The following MCU variants were observed in gnomAD, a reference collection of about 807,000 sequenced individuals.
MCU encodes calcium uniporter protein, mitochondrial.
A neutral mutation model predicts 45.2 loss-of-function variants in MCU; 12 were observed. The observed-to-expected ratio is 0.27, with a 90% CI of 0.17 to 0.43. The LOEUF is 0.43. MCU is among the 20% of genes least tolerant of loss of function. The pLI is 1.00. For missense variants in MCU, 324 were observed against 436.7 expected (o/e 0.74, Z 2.30); for synonymous variants, 160 against 165.1 (o/e 0.97, Z 0.24).
intron 1 of MCU, 31 bp from the exon 2 acceptor site, chr10:72,834,328 T>A: frequency 6.4e-7 from 1 of 1,564,572 alleles, no homozygotes; most frequent in East Asian, 2.2e-5. Flanking sequence ...TGTTCCATTC[T>A]GACAGTAGAT....
intron 1 of MCU, among the ~76,000 whole-genome samples, chr10:72,799,216 G>A (rs1468278417): frequency 6.6e-6 from 1 of 152,196 alleles, no homozygotes; most frequent in African/African-American, 2.4e-5. Flanking sequence ...GAGCCATCAC[G>A]CCCGGCCTCA....
chr10:72,825,255 A>G (rs765231381), intron 1 of MCU, among the ~76,000 whole-genome samples: 1 of 152,004 alleles, frequency 6.6e-6, no homozygotes, highest in African/African-American at 2.4e-5. Flanking sequence ...CAGAAAGACT[A>G]CAAAGTACAG....
At position 72,714,345 on chromosome 10, in the gene MCU, CTT is replaced by C. The variant is rs1160353409; in HGVS notation, c.150+22066_150+22067del. Among the ~76,000 whole-genome samples, 245 of 54,748 alleles carry C rather than the reference CTT, an allele frequency of 4.5e-3. 13 individuals carry two copies. The highest frequency in any genetic ancestry group is 0.015 in the Middle Eastern group (1 of 66). 35.9% of individuals were successfully genotyped at this position (54,748 alleles called of 152,430 possible). ...TTACTTCAGTTCCCCCCGCCCTGGT[CTT>C]TTTTTTTTTTTTTTTTTTTTTAAAG... On this transcript the variant is annotated intron_variant, in intron 1 of 7. Coordinates refer to ENST00000373053, the MANE Select transcript of MCU (RefSeq NM_138357.3).
intron 2 of MCU, among the ~76,000 whole-genome samples, chr10:72,845,803 A>T (rs555803633): frequency 6.6e-6 from 1 of 152,110 alleles, no homozygotes; most frequent in East Asian, 1.9e-4. Flanking sequence ...TTCTTTTTTT[A>T]AAATTTACCA....
At position 72,709,586 on chromosome 10, in the gene MCU, T is replaced by C. The variant is rs557962515; in HGVS notation, c.150+17285T>C. On this transcript the variant is annotated intron_variant, in intron 1 of 7. Transcript: ENST00000373053. ...CAGGAAAAATGGATTTTCTGGTGTT[T>C]TTTTTTCTTTTTTGAGGGGACCCCT... is the stretch of plus-strand genomic sequence containing the variant. 9.2e-5 allele frequency among the ~76,000 whole-genome samples: 14 copies of C among 152,256 alleles called. No homozygotes were observed. In the East Asian group the frequency reaches 2.7e-3, roughly 29 times the overall value.
At chr10:72,825,916 T>C (rs1223740510) in intron 1 of MCU, among the ~76,000 whole-genome samples, 1 of 152,206 alleles carries the variant, frequency 6.6e-6, no homozygotes, top group Non-Finnish European at 1.5e-5. Flanking sequence ...GAGATGAGAC[T>C]AGAATCTAGC....
At chr10:72,883,321 C>T (rs1365757560) in intron 6 of MCU, among the ~76,000 whole-genome samples, 1 of 152,040 alleles carries the variant, frequency 6.6e-6, no homozygotes, top group Non-Finnish European at 1.5e-5. Context: ...AACTCTGTGA[C>T]TATATTATAA....
chr10:72,883,944 G>A (rs1408706600), intron 6 of MCU, among the ~76,000 whole-genome samples: 1 of 152,180 alleles, frequency 6.6e-6, no homozygotes, highest in Non-Finnish European at 1.5e-5. Flanking sequence ...TAAAAGTCAA[G>A]AGAGTGATTA....
At chr10:72,813,286 T>C (rs1009390315) in intron 1 of MCU, among the ~76,000 whole-genome samples, 3 of 152,100 alleles carry the variant, frequency 2.0e-5, no homozygotes, top group Admixed American at 1.3e-4. Context: ...AGTGTCTTTT[T>C]ATGAGCAAAG....
chr10:72,798,881 A>C (rs991140421), intron 1 of MCU, among the ~76,000 whole-genome samples: 6 of 152,138 alleles, frequency 3.9e-5, no homozygotes, highest in African/African-American at 1.4e-4. Context: ...CTTAATTTTT[A>C]TACCTAAGAT....
chr10:72,826,465 A>G (rs1844800106), intron 1 of MCU, among the ~76,000 whole-genome samples: 1 of 152,188 alleles, frequency 6.6e-6, no homozygotes, highest in African/African-American at 2.4e-5. Context: ...TTTTATCTCA[A>G]TATGTTATTA....
intron 1 of MCU, among the ~76,000 whole-genome samples, chr10:72,700,358 G>A (rs964459559): frequency 1.2e-4 from 18 of 152,252 alleles, no homozygotes; most frequent in East Asian, 7.7e-4. Context: ...CACTGTGCCC[G>A]GCCAAATTCT....
intron 3 of MCU, 69 bp downstream of exon 3, chr10:72,859,416 C>CAT: frequency 7.1e-7 from 1 of 1,401,416 alleles, no homozygotes; most frequent in Admixed American, 2.1e-5. Flanking sequence ...TAGACACATA[C>CAT]ATACACCACA....
At chr10:72,757,044 G>A (rs116205389) in intron 1 of MCU, 58 of 151,268 alleles carry the variant, frequency 3.8e-4, no homozygotes, top group African/African-American at 1.4e-3. Flanking sequence ...AGAACCATAC[G>A]AAAGTACATA....
At chr10:72,846,685 T>G (rs140129383) in intron 2 of MCU, among the ~76,000 whole-genome samples, 1 of 152,314 alleles carries the variant, frequency 6.6e-6, no homozygotes, top group Non-Finnish European at 1.5e-5. Context: ...AAAAAAATTT[T>G]TTTTCTTCTT....
At chr10:72,847,265 G>A (rs1001194147) in intron 2 of MCU, among the ~76,000 whole-genome samples, 4 of 152,086 alleles carry the variant, frequency 2.6e-5, no homozygotes, top group Non-Finnish European at 4.4e-5. Flanking sequence ...ATGAGCCACC[G>A]CACCTGTCCT....
chr10:72,700,301 T>TC (rs1255484522), intron 1 of MCU, among the ~76,000 whole-genome samples: 2 of 151,644 alleles, frequency 1.3e-5, no homozygotes, highest in East Asian at 3.9e-4. Flanking sequence ...CCTCAGGTGA[T>TC]CCCCCCACTT....
Position 72,795,373 on chromosome 10 carries a change from T to C in MCU, c.151-38986T>C, listed in dbSNP as rs539838675. On this transcript the variant is annotated intron_variant, in intron 1 of 7. Transcript: ENST00000373053. The stretch of plus-strand genomic sequence containing the variant: ...ATCCCACTTCCAGTAATATTGACTC[T>C]GGGTTATCAAGTTAAAATTGTTTCA... 7.2e-5 allele frequency among the ~76,000 whole-genome samples: 11 copies of C among 152,358 alleles called. No homozygotes were observed. The East Asian group carries it at 2.1e-3, about 29-fold the overall frequency.
intron 2 of MCU, among the ~76,000 whole-genome samples, chr10:72,852,093 CACAT>C (rs1449320467): frequency 7.2e-5 from 11 of 152,250 alleles, no homozygotes; most frequent in African/African-American, 2.6e-4. Flanking sequence ...TACTCTTTTT[CACAT>C]ACAGAAAGGG....
Sources: gnomAD v4.1 joint callset for allele counts (sites outside exome capture counted in the v4.1 genomes callset) on GRCh38, gnomAD v4.1.1 for gene constraint, MANE v1.5 for transcripts, NCBI Gene and HGNC (gene_info 2026-07-23, HGNC 2026-07-21) for gene names.